Variants in SORCS2 observed in about 807,000 individuals in gnomAD.
SORCS2 encodes the protein sortilin related VPS10 domain containing receptor 2.
SORCS2 carries 100 observed loss-of-function variants against 141.6 expected under a neutral mutation model. The observed-to-expected ratio is 0.71, with a 90% CI of 0.60 to 0.83. The LOEUF is 0.83. Ranked by LOEUF, SORCS2 falls within the 40% of genes least tolerant of loss-of-function variation. SORCS2 has a pLI of 0.00. For missense variants in SORCS2, 1,646 were observed against 1,560.2 expected (o/e 1.05, Z -0.93); for synonymous variants, 789 against 676.9 (o/e 1.17, Z -2.57).
At chr4:7,470,378 CATCCATCT>C (rs1176928188) in intron 2 of SORCS2, among the ~76,000 whole-genome samples, 2 of 152,104 alleles carry the variant, frequency 1.3e-5, no homozygotes, top group Middle Eastern at 6.8e-3. Context: ...TCCTTCCATC[CATCCATCT>C]ATCCTTCCAT....
chr4:7,200,631 C>T (rs541936950), intron 1 of SORCS2, among the ~76,000 whole-genome samples: 19 of 152,190 alleles, frequency 1.2e-4, no homozygotes, highest in Non-Finnish European at 2.1e-4. Flanking sequence ...AGAACCTCAC[C>T]GCAGCCTCTT....
chr4:7,344,575 C>A (rs1406170442), intron 1 of SORCS2, among the ~76,000 whole-genome samples: 3 of 152,192 alleles, frequency 2.0e-5, no homozygotes, highest in Non-Finnish European at 4.4e-5. Flanking sequence ...GGGAGTAGGG[C>A]AGTGGGGAGT....
At chr4:7,394,321 G>A (rs1382981147) in intron 1 of SORCS2, among the ~76,000 whole-genome samples, 1 of 151,882 alleles carries the variant, frequency 6.6e-6, no homozygotes, top group Non-Finnish European at 1.5e-5. Flanking sequence ...GATAAATAAG[G>A]TCCCCACCCT....
intron 2 of SORCS2, among the ~76,000 whole-genome samples, chr4:7,474,608 G>C (rs1730178409): frequency 6.6e-6 from 1 of 152,138 alleles, no homozygotes; most frequent in Non-Finnish European, 1.5e-5. Flanking sequence ...CAGTTCGGAA[G>C]CCCAGTCCAC....
chr4:7,271,271 GAGAA>G, intron 1 of SORCS2, among the ~76,000 whole-genome samples: 1 of 152,292 alleles, frequency 6.6e-6, no homozygotes, highest in Non-Finnish European at 1.5e-5. Flanking sequence ...ACTGCTCTCA[GAGAA>G]AGAGTCTAAT....
At chr4:7,355,475 A>C (rs894385785) in intron 1 of SORCS2, among the ~76,000 whole-genome samples, 16 of 152,198 alleles carry the variant, frequency 1.1e-4, no homozygotes, top group African/African-American at 3.9e-4. Context: ...GCGGTCAGTC[A>C]GAGTGGAGGG....
In SORCS2 at chr4:7,656,599, C is replaced by T. The variant is rs139161804; in HGVS notation, c.887+2392C>T. 5.7e-4 allele frequency among the ~76,000 whole-genome samples: 87 copies of T among 152,376 alleles called. 1 individual carries two copies. The highest frequency in any genetic ancestry group is 3.4e-3 in the Middle Eastern group (1 of 294). On this transcript the variant is annotated intron_variant, in intron 5 of 26. Transcript: ENST00000507866. Reference sequence around the variant, plus strand: ...CAAGCTGTGGCCCTGAGACTCGGTCCACCTCTGGCTGTGGCCAGGGCCCTT... The same window carrying T: ...CAAGCTGTGGCCCTGAGACTCGGTCTACCTCTGGCTGTGGCCAGGGCCCTT...
chr4:7,457,542 G>A (rs1288556525), intron 2 of SORCS2, among the ~76,000 whole-genome samples: 1 of 152,028 alleles, frequency 6.6e-6, no homozygotes, highest in East Asian at 1.9e-4. Flanking sequence ...GCGTGCCCCA[G>A]TGAACATCAC....
chr4:7,254,250 C>T (rs569835997), intron 1 of SORCS2, among the ~76,000 whole-genome samples: 63 of 152,260 alleles, frequency 4.1e-4, no homozygotes, highest in African/African-American at 1.5e-3. Flanking sequence ...TTCACAGCAG[C>T]AAAGATATAG....
chr4:7,536,205 T>C (rs1416051272), intron 3 of SORCS2, among the ~76,000 whole-genome samples: 2 of 152,174 alleles, frequency 1.3e-5, no homozygotes, highest in Non-Finnish European at 2.9e-5. Flanking sequence ...GTACAAACTG[T>C]AGGCAAGTTC....
At position 7,676,138 on chromosome 4, in the gene SORCS2, C is replaced by T. The variant is rs374211227; in HGVS notation, c.1250C>T (p.Ser417Leu). The change falls in exon 9 of 27, where the codon TCG becomes TTG. Residue 417 changes from serine (S) to leucine (L), a missense_variant. Transcript: ENST00000507866. The stretch of plus-strand genomic sequence containing the variant: ...ATGGACACCTACAACCTGTACCAGT[C>T]GGACCCACGGGGCGTGCGCTACGCG... ...YQMDTYNLYQ[S>L]DPRGVRYALV... is the part of the protein sequence containing the mutation. 1.0e-5 allele frequency: 16 copies of T among 1,575,282 alleles called. No individual in the cohort carries two copies. Among genetic ancestry groups the T allele is most frequent in the African/African-American group, 1.4e-5 (1 of 74,014 alleles).
chr4:7,324,114 C>T (rs934959126), intron 1 of SORCS2, among the ~76,000 whole-genome samples: 5 of 152,180 alleles, frequency 3.3e-5, no homozygotes, highest in Non-Finnish European at 5.9e-5. Flanking sequence ...CAGCAGGTGG[C>T]GGGGCTGGGA....
intron 1 of SORCS2, among the ~76,000 whole-genome samples, chr4:7,285,698 T>G (rs1716172016): frequency 6.6e-6 from 1 of 152,200 alleles, no homozygotes; most frequent in African/African-American, 2.4e-5. Context: ...GCCTCGTTCT[T>G]CCTTCTCGCT....
intron 2 of SORCS2, among the ~76,000 whole-genome samples, chr4:7,458,278 G>A (rs1729054007): frequency 1.3e-5 from 2 of 152,110 alleles, no homozygotes; most frequent in South Asian, 2.1e-4. Context: ...GCAGGGAGAC[G>A]GTACTCACTA....
At chr4:7,244,263 A>G (rs1001291619) in intron 1 of SORCS2, among the ~76,000 whole-genome samples, 2 of 152,154 alleles carry the variant, frequency 1.3e-5, no homozygotes, top group African/African-American at 4.8e-5. Context: ...CACTTGGAAC[A>G]AGCTTGGGGG....
At chr4:7,671,935 C>G (rs375131081) in intron 8 of SORCS2, among the ~76,000 whole-genome samples, 37 of 145,084 alleles carry the variant, frequency 2.6e-4, no homozygotes, top group African/African-American at 9.6e-4. Context: ...TGTCAAAAGA[C>G]AGAAACTTTT....
intron 4 of SORCS2, among the ~76,000 whole-genome samples, chr4:7,640,365 T>A (rs1720634142): frequency 6.7e-6 from 1 of 148,910 alleles, no homozygotes; most frequent in African/African-American, 2.5e-5. Context: ...TATGTGAGCA[T>A]GTGTGAATGT....
At chr4:7,563,458 C>T (rs926086610) in intron 3 of SORCS2, among the ~76,000 whole-genome samples, 7 of 152,224 alleles carry the variant, frequency 4.6e-5, no homozygotes, top group African/African-American at 9.6e-5. Flanking sequence ...TTCCCACATT[C>T]GCAAATCAAG....
At chr4:7,248,568 T>C (rs868084475) in intron 1 of SORCS2, among the ~76,000 whole-genome samples, 1 of 152,240 alleles carries the variant, frequency 6.6e-6, no homozygotes, top group Non-Finnish European at 1.5e-5. Flanking sequence ...ACTGTCATCG[T>C]GTGTGACCCT....
Sources: allele counts gnomAD v4.1 joint callset (sites outside exome capture counted in the v4.1 genomes callset), GRCh38; gene constraint gnomAD v4.1.1; transcripts MANE v1.5; gene names NCBI Gene and HGNC (gene_info 2026-07-23, HGNC 2026-07-21).